Variants in PSMG4 observed in about 807,000 individuals in gnomAD.
PSMG4 encodes proteasome assembly chaperone 4.
A neutral mutation model predicts 11.0 loss-of-function variants in PSMG4; 10 were observed. The ratio of observed to expected loss-of-function variants is 0.91; its 90% CI spans 0.56 to 1.54. PSMG4 has a LOEUF of 1.54. PSMG4 is among the 40% of genes most tolerant of loss of function. The probability of loss-of-function intolerance (pLI) is 0.00; values close to 1 mark genes in which losing one functional copy is unlikely to be tolerated. For synonymous variants in PSMG4, 95 were observed against 71.3 expected (o/e 1.33, Z -1.68); for missense variants, 198 against 160.9 (o/e 1.23, Z -1.25).
intron 1 of PSMG4, among the ~76,000 whole-genome samples, chr6:3,262,855 T>C (rs554004255): frequency 2.8e-5 from 1 of 36,236 alleles, no homozygotes; most frequent in Admixed American, 3.3e-4. Context: ...TTATTTTTAA[T>C]AAAAATGTAG....
intron 1 of PSMG4, among the ~76,000 whole-genome samples, 186 bp downstream of exon 1, chr6:3,259,382 G>A (rs1270199183): frequency 2.0e-5 from 3 of 152,206 alleles, no homozygotes; most frequent in Non-Finnish European, 4.4e-5. Context: ...GGAGCTGCGC[G>A]CGGGCCCCGG....
upstream of PSMG4, among the ~76,000 whole-genome samples, chr6:3,256,297 C>G (rs1442125922): frequency 6.6e-6 from 1 of 152,216 alleles, no homozygotes; most frequent in South Asian, 2.1e-4. Flanking sequence ...CCCAGTTATA[C>G]ATTTGAGGAC....
upstream of PSMG4, among the ~76,000 whole-genome samples, chr6:3,256,130 C>T (rs182616064): frequency 2.0e-5 from 3 of 152,334 alleles, no homozygotes; most frequent in East Asian, 1.9e-4. Flanking sequence ...TTTCACCATC[C>T]TCCCCAGGAT....
intron 1 of PSMG4, among the ~76,000 whole-genome samples, chr6:3,262,376 A>G (rs1758022597): frequency 6.6e-6 from 1 of 152,258 alleles, no homozygotes; most frequent in African/African-American, 2.4e-5. Flanking sequence ...TTAACTGTAC[A>G]TACTATTACC....
At chr6:3,266,639 G>A (rs535409583) in intron 2 of PSMG4, 1 of 152,234 alleles carries the variant, frequency 6.6e-6, no homozygotes, top group East Asian at 1.9e-4. Flanking sequence ...TTGGCCCAAT[G>A]TGCACCTCAG....
At chr6:3,254,567 T>G (rs1240317623), upstream of PSMG4, among the ~76,000 whole-genome samples, 8 of 152,282 alleles carry the variant, frequency 5.3e-5, no homozygotes, top group East Asian at 1.9e-4. Context: ...TCGGGGTTTG[T>G]GAGGCTGGGA....
At chr6:3,255,082 C>G (rs1325109169), upstream of PSMG4, 28 of 1,551,018 alleles carry the variant, frequency 1.8e-5, no homozygotes, top group Admixed American at 3.9e-5. Flanking sequence ...GCTTCTATTC[C>G]TAAGAAGTTG....
At chr6:3,258,869 T>TCGCCCCTCCCCGACCA (rs985860764), upstream of PSMG4, 10 of 682,716 alleles carry the variant, frequency 1.5e-5, no homozygotes, top group East Asian at 1.0e-4. Flanking sequence ...AAGCCCGGGA[T>TCGCCCCTCCCCGACCA]CGCCCCTCCC....
Position 3,259,221 on chromosome 6 carries a change from CGGGCGGCG to C in PSMG4, c.174+32_174+39del, listed in dbSNP as rs1004219653. On this transcript the variant is annotated intron_variant, in intron 1 of 2. Transcript: ENST00000438998. ...CGTGAGTGCCTGGCGGCCGAGGGTG[CGGGCGGCG>C]GGGCGGGGGCGCGGGGGCGCCGGGC... is the stretch of plus-strand genomic sequence containing the variant. The C allele has an allele frequency of 7.7e-5, 92 of 1,198,878 alleles. No individual in the cohort carries two copies. The Admixed American group carries it at 1.6e-3, about 21-fold the overall frequency. 74.3% of individuals were successfully genotyped at this position (1,198,878 alleles called of 1,614,324 possible).
At chr6:3,257,063 G>A (rs1309911740), upstream of PSMG4, among the ~76,000 whole-genome samples, 2 of 152,202 alleles carry the variant, frequency 1.3e-5, no homozygotes, top group African/African-American at 4.8e-5. Context: ...GTGAGCAGAA[G>A]GAAAGATAGG....
chr6:3,263,142 TGCTGGTG>T (rs1295774069), intron 1 of PSMG4, among the ~76,000 whole-genome samples: 2 of 74,150 alleles, frequency 2.7e-5, no homozygotes, highest in Admixed American at 1.5e-4. Flanking sequence ...CCTATTTAGA[TGCTGGTG>T]GCTGGTGCCC....
chr6:3,256,152 T>G (rs1179206383), upstream of PSMG4, among the ~76,000 whole-genome samples: 1 of 152,224 alleles, frequency 6.6e-6, no homozygotes, highest in Admixed American at 6.5e-5. Context: ...GAATACTGTT[T>G]TTGACATGCT....
intron 1 of PSMG4, among the ~76,000 whole-genome samples, chr6:3,261,465 G>T (rs1389797036): frequency 6.6e-6 from 1 of 152,200 alleles, no homozygotes; most frequent in South Asian, 2.1e-4. Context: ...AAGTTTGGAA[G>T]AAGTAGGCTC....
At chr6:3,259,258 CGCGAGCT>C (rs1757876106) in intron 1 of PSMG4, 62 bp downstream of exon 1, 1 of 1,217,724 alleles carries the variant, frequency 8.2e-7, no homozygotes, top group African/African-American at 1.6e-5. Context: ...GCCGGGCCTG[CGCGAGCT>C]GCAGCCCCCC....
At chr6:3,264,483 A>T (rs1758111376) in intron 2 of PSMG4, 1 of 1,327,686 alleles carries the variant, frequency 7.5e-7, no homozygotes, top group Admixed American at 2.9e-5. Flanking sequence ...CTGGTACCTG[A>T]CAAGCAGGAA....
At chr6:3,257,366 G>A (rs1046810017), upstream of PSMG4, among the ~76,000 whole-genome samples, 1 of 152,180 alleles carries the variant, frequency 6.6e-6, no homozygotes, top group Non-Finnish European at 1.5e-5. Context: ...TTGAGGTTTT[G>A]AGACATGTAT....
intron 1 of PSMG4, among the ~76,000 whole-genome samples, chr6:3,261,745 G>T (rs11242839): frequency 6.6e-6 from 1 of 151,698 alleles, no homozygotes; most frequent in Non-Finnish European, 1.5e-5. Flanking sequence ...CCTGTGACCC[G>T]TGGGGCGGCC....
upstream of PSMG4, chr6:3,254,958 G>C (rs1290972314): frequency 7.2e-7 from 1 of 1,383,570 alleles, no homozygotes; most frequent in African/African-American, 1.5e-5. Flanking sequence ...GTTGGGTGTT[G>C]CAGAGCATGT....
At position 3,259,097 on chromosome 6, in the gene PSMG4, G is replaced by C; in HGVS notation, c.75G>C (p.Leu25=). The change falls in exon 1 of 3, where the codon CTG becomes CTC. Residue 25 remains leucine, a synonymous_variant. Coordinates refer to ENST00000438998, the MANE Select transcript of PSMG4 (RefSeq NM_001128591.2). ...TCAGCGCGAGGCTGTGGGAGCAGCT[G>C]GTCCACTTCCACGTCATGCGGCTGA... ...HNFSARLWEQ[L]VHFHVMRLTD... 7.9e-7 allele frequency: 1 copy of C among 1,273,752 alleles called. No individual in the cohort carries two copies. Among genetic ancestry groups the C allele is most frequent in the Non-Finnish European group, 9.9e-7 (1 of 1,007,976 alleles). 78.9% of individuals were successfully genotyped at this position (1,273,752 alleles called of 1,614,324 possible).
Sources: gnomAD v4.1 joint callset for allele counts (sites outside exome capture counted in the v4.1 genomes callset) on GRCh38, gnomAD v4.1.1 for gene constraint, MANE v1.5 for transcripts, NCBI Gene and HGNC (gene_info 2026-07-23, HGNC 2026-07-21) for gene names.